The following NDUFB7 variants were observed in gnomAD, a reference collection of about 807,000 sequenced individuals.
The protein encoded by NDUFB7 is NADH:ubiquinone oxidoreductase subunit B7.
A neutral mutation model predicts 14.7 loss-of-function variants in NDUFB7; 18 were observed. The observed-to-expected ratio is 1.22, with a 90% CI of 0.85 to 1.81. NDUFB7 has a LOEUF of 1.81. Among genes scored for constraint, NDUFB7 ranks in the 40% most tolerant of loss-of-function variants. The pLI is 0.00. For synonymous variants in NDUFB7, 86 were observed against 76.1 expected, an observed-to-expected ratio of 1.13 and a Z score of -0.68; for missense variants, 219 against 195.0, an observed-to-expected ratio of 1.12 and a Z score of -0.73.
rs1167685114 is a variant in NDUFB7, at chr19:14,571,927, A to G, written c.74T>C (p.Phe25Ser). ...TTCGGGGAAGCCGTAGTCTGGCGGGAAGGTTGGCATCTGCAGGGGGTCGGG... is the reference window on the plus strand; with the variant it reads ...TTCGGGGAAGCCGTAGTCTGGCGGGGAGGTTGGCATCTGCAGGGGGTCGGG... ...VEPDPLQMPT[F>S]PPDYGFPERK... Residue 25 changes from phenylalanine to serine, a missense_variant, in exon 1 of 3, where the codon TTC (phenylalanine) becomes TCC (serine). Phe to Ser is a radical substitution (Grantham distance 155). Coordinates refer to ENST00000215565, the MANE Select transcript of NDUFB7 (RefSeq NM_004146.6). The G allele has an allele frequency of 1.5e-5, 24 of 1,611,924 alleles. No homozygotes were observed. The highest frequency in any genetic ancestry group is 2.0e-5 in the Non-Finnish European group (23 of 1,179,440).
At chr19:14,569,673 G>C (rs2074113543) in intron 1 of NDUFB7, among the ~76,000 whole-genome samples, 1 of 152,144 alleles carries the variant, frequency 6.6e-6, no homozygotes. Context: ...GGGGCGGAAG[G>C]ACTACCCGGA....
At chr19:14,571,000 A>G (rs967607116) in intron 1 of NDUFB7, among the ~76,000 whole-genome samples, 1 of 151,958 alleles carries the variant, frequency 6.6e-6, no homozygotes, top group Non-Finnish European at 1.5e-5. Flanking sequence ...CTCTACAAAA[A>G]ATAAAAAATC....
intron 1 of NDUFB7, among the ~76,000 whole-genome samples, chr19:14,570,085 C>T (rs1348575933): frequency 1.3e-5 from 2 of 151,936 alleles, no homozygotes; most frequent in African/African-American, 4.8e-5. Flanking sequence ...AGAGTAGAGA[C>T]GGGGTTTCAC....
Position 14,566,128 on chromosome 19 carries a change from A to AC in NDUFB7, c.*4dup, listed in dbSNP as rs1189947068. On this transcript the variant is annotated 3_prime_UTR_variant, in exon 3 of 3. Transcript: ENST00000215565. ...GACTGGTCCATAGGGTGGGGGGTGCACCCCCTACAGGGCCACCTTGGGGTC... is the reference window on the plus strand; with the variant it reads ...GACTGGTCCATAGGGTGGGGGGTGCACCCCCCTACAGGGCCACCTTGGGGTC... 2.5e-6 allele frequency: 4 copies of AC among 1,607,310 alleles called. No homozygotes were observed. The highest frequency in any genetic ancestry group is 3.4e-6 in the Non-Finnish European group (4 of 1,176,962).
rs564079028 is a variant in NDUFB7 at position 14,569,417 on chromosome 19, C to T, written c.112+2472G>A. Reference sequence around the variant, plus strand: ...ATCCTCCTGCCTTTGCCTCCCAAACCGTTGGGATTACAGGCATGAGCCATT... The same window carrying T: ...ATCCTCCTGCCTTTGCCTCCCAAACTGTTGGGATTACAGGCATGAGCCATT... On this transcript the variant is annotated intron_variant, in intron 1 of 2. Transcript: ENST00000215565. Among the ~76,000 whole-genome samples, 37 of 152,248 alleles carry T rather than the reference C, an allele frequency of 2.4e-4. 1 individual carries two copies. The highest frequency in any genetic ancestry group is 1.0e-3 in the Admixed American group (16 of 15,292).
Position 14,568,182 on chromosome 19 carries a change from C to G in NDUFB7, c.113-1249G>C, listed in dbSNP as rs1033203868. On this transcript the variant is annotated intron_variant, in intron 1 of 2. Coordinates refer to ENST00000215565, the MANE Select transcript of NDUFB7 (RefSeq NM_004146.6). ...GCCTCAGCTTCCTGAGTAGCTGGAA[C>G]TACAGGCGCCTGCCACCATGCCCGA... Among the ~76,000 whole-genome samples the G allele has an allele frequency of 2.0e-5, 3 of 152,184 alleles. No homozygotes were observed. The South Asian group carries it at 6.2e-4, about 32-fold the overall frequency.
intron 1 of NDUFB7, among the ~76,000 whole-genome samples, 188 bp downstream of exon 1, chr19:14,571,701 G>A (rs2074125937): frequency 6.6e-6 from 1 of 152,186 alleles, no homozygotes; most frequent in African/African-American, 2.4e-5. Flanking sequence ...CTCAAGCCGT[G>A]CCCTTGGGCT....
chr19:14,566,326 C>A, intron 2 of NDUFB7, 61 bp from the exon 3 acceptor site: 1 of 1,608,940 alleles, frequency 6.2e-7, no homozygotes. Flanking sequence ...CCCCCAAGCC[C>A]TGGGAAGCGG....
At chr19:14,571,631 G>T (rs2074125507) in intron 1 of NDUFB7, among the ~76,000 whole-genome samples, 1 of 151,180 alleles carries the variant, frequency 6.6e-6, no homozygotes, top group Non-Finnish European at 1.5e-5. Flanking sequence ...ACCCAGCTCT[G>T]CGCGTCGCAT....
Position 14,566,101 on chromosome 19 carries a change from TTGAC to T in NDUFB7, c.*28_*31del, listed in dbSNP as rs568520044. 1.3e-4 allele frequency: 215 copies of T among 1,593,022 alleles called. No individual in the cohort carries two copies. In the African/African-American group the frequency reaches 2.3e-3, roughly 17 times the overall value. ...GGTTGAGGGGCCTGAAGGCTTTTAT[TTGAC>T]TGGTCCATAGGGTGGGGGGTGCACC... On this transcript the variant is annotated 3_prime_UTR_variant, in exon 3 of 3. Transcript: ENST00000215565.
chr19:14,566,358 T>G (rs2074084765), intron 2 of NDUFB7, 93 bp from the exon 3 acceptor site: 1 of 1,577,424 alleles, frequency 6.3e-7, no homozygotes, highest in Non-Finnish European at 8.6e-7. Context: ...CAGAGCACTG[T>G]GGGGGAGGCC....
rs2074126683 is a variant in NDUFB7, at chr19:14,571,829, CCA to C, written c.112+58_112+59del. 2.0e-6 allele frequency: 3 copies of C among 1,502,294 alleles called. No homozygotes were observed. In the African/African-American group the frequency reaches 4.2e-5, roughly 21 times the overall value. 93.1% of individuals were successfully genotyped at this position (1,502,294 alleles called of 1,614,324 possible). ...GCCCTGGGGTGCCAGCCCTGGGGTG[CCA>C]GGTGTTCAGGCACCCGCGCCCCACG... On this transcript the variant is annotated intron_variant, in intron 1 of 2. Transcript: ENST00000215565.
At chr19:14,571,210 T>C in intron 1 of NDUFB7, among the ~76,000 whole-genome samples, 1 of 152,184 alleles carries the variant, frequency 6.6e-6, no homozygotes, top group South Asian at 2.1e-4. Flanking sequence ...ATCTTCCTTA[T>C]TTCCTTGTGC....
chr19:14,566,977 C>T, intron 1 of NDUFB7, 44 bp from the exon 2 acceptor site: 2 of 1,526,454 alleles, frequency 1.3e-6, no homozygotes, highest in African/African-American at 1.4e-5. Context: ...AGGCTCCCCA[C>T]CCCAATTCCG....
chr19:14,566,200 T>TCCCGCCGCTTCTTCC lies in NDUFB7; in HGVS notation c.332_346dup (p.Arg115_Glu116insGlyLysLysArgArg). 1.2e-6 allele frequency: 2 copies of TCCCGCCGCTTCTTCC among 1,613,490 alleles called. No individual in the cohort carries two copies. On this transcript the variant is annotated inframe_insertion, in exon 3 of 3. Coordinates refer to ENST00000215565, the MANE Select transcript of NDUFB7 (RefSeq NM_004146.6). ...TTTGGCCAACTCTGCCGCCTTCTTC[T>TCCCGCCGCTTCTTCC]CCCGCCGCTTCTTCCGCTGGAGCAG...
chr19:14,566,665 G>T, intron 2 of NDUFB7, 100 bp downstream of exon 2: 1 of 1,087,550 alleles, frequency 9.2e-7, no homozygotes, highest in Non-Finnish European at 1.3e-6. Flanking sequence ...GCTTGGGCGG[G>T]CTGGGCATGT....
chr19:14,566,899 C>CGCGT lies in NDUFB7; in HGVS notation c.143_146dup (p.Gln50ArgfsTer24). On this transcript the variant is annotated frameshift_variant, in exon 2 of 3. Transcript: ENST00000215565. LOFTEE classifies it high-confidence loss of function. Reference sequence around the variant, plus strand: ...AGTCCCGCAGCTGGAGCCTCAGCTGCGCGTCCATCATCTCCTGCTGTGTGG... The same window carrying CGCGT: ...AGTCCCGCAGCTGGAGCCTCAGCTGCGCGTGCGTCCATCATCTCCTGCTGTGTGG... 1 of 1,584,412 alleles carries CGCGT rather than the reference C, an allele frequency of 6.3e-7. No homozygotes were observed. Among genetic ancestry groups the CGCGT allele is most frequent in the Non-Finnish European group, 8.6e-7 (1 of 1,169,040 alleles).
Position 14,566,187 on chromosome 19 carries a change from T to C in NDUFB7, c.360A>G (p.Ala120=), listed in dbSNP as rs775705839. 5.0e-6 allele frequency: 8 copies of C among 1,613,694 alleles called. No individual in the cohort carries two copies. In the African/African-American group the frequency reaches 9.3e-5, roughly 19 times the overall value. The part of the protein sequence containing the change: ...QRKKRREKKA[A]ELAKGQGPGE... ...CGGGTCCCTGGCCTTTGGCCAACTCTGCCGCCTTCTTCTCCCGCCGCTTCT... is the reference window on the plus strand; with the variant it reads ...CGGGTCCCTGGCCTTTGGCCAACTCCGCCGCCTTCTTCTCCCGCCGCTTCT... The change falls in exon 3 of 3, where the codon GCA becomes GCG. Residue 120 remains alanine (A), a synonymous_variant. Coordinates refer to ENST00000215565, the MANE Select transcript of NDUFB7 (RefSeq NM_004146.6).
chr19:14,572,020 C>T lies in NDUFB7; in HGVS notation c.-20G>A, dbSNP rs2074128830. ...CCCCATGGCTGCAGTCGCTGCAGAT[C>T]CCTGCAGCAGCCGAGGGTCACCTAG... On this transcript the variant is annotated 5_prime_UTR_variant, in exon 1 of 3. Coordinates refer to ENST00000215565, the MANE Select transcript of NDUFB7 (RefSeq NM_004146.6). 2 of 1,559,362 alleles carry T rather than the reference C, an allele frequency of 1.3e-6. No homozygotes were observed. Among genetic ancestry groups the T allele is most frequent in the African/African-American group, 2.7e-5 (2 of 73,752 alleles).
Sources: allele counts gnomAD v4.1 joint callset (sites outside exome capture counted in the v4.1 genomes callset), GRCh38; gene constraint gnomAD v4.1.1; transcripts MANE v1.5; gene names NCBI Gene and HGNC (gene_info 2026-07-23, HGNC 2026-07-21).